Variants in RARRES1 observed in about 807,000 individuals in gnomAD.
The protein encoded by RARRES1 is retinoic acid receptor responder protein 1.
A neutral mutation model predicts 30.6 loss-of-function variants in RARRES1; 34 were observed. The ratio of observed to expected loss-of-function variants is 1.11; its 90% CI spans 0.84 to 1.48. RARRES1 has a LOEUF of 1.48. Ranked by LOEUF, RARRES1 falls within the 40% of genes most tolerant of loss-of-function variation. The pLI is 0.00. For missense variants in RARRES1, 373 were observed against 386.5 expected, an observed-to-expected ratio of 0.97 and a Z score of 0.29; for synonymous variants, 153 against 155.5, an observed-to-expected ratio of 0.98 and a Z score of 0.12.
At chr3:158,709,912 A>AC in intron 3 of RARRES1, among the ~76,000 whole-genome samples, 1 of 152,332 alleles carries the variant, frequency 6.6e-6, no homozygotes, top group South Asian at 2.1e-4. Context: ...TGGAGACAGC[A>AC]CCACTGCCCA....
intron 1 of RARRES1, among the ~76,000 whole-genome samples, chr3:158,721,092 A>C (rs1041998328): frequency 6.6e-6 from 1 of 152,230 alleles, no homozygotes; most frequent in Non-Finnish European, 1.5e-5. Flanking sequence ...AGGTGGGGAC[A>C]TCTCCAGGAA....
At chr3:158,713,033 C>A (rs571201898) in intron 2 of RARRES1, among the ~76,000 whole-genome samples, 30 of 152,316 alleles carry the variant, frequency 2.0e-4, no homozygotes, top group Admixed American at 1.6e-3. Flanking sequence ...GGTGAGCATT[C>A]TTCCAGAAGC....
chr3:158,710,984 A>C (rs1382731497), intron 2 of RARRES1, 51 bp from the exon 3 acceptor site: 1 of 1,478,732 alleles, frequency 6.8e-7, no homozygotes. Flanking sequence ...CCCAGTGCAC[A>C]CAAGCACACA....
intron 1 of RARRES1, among the ~76,000 whole-genome samples, chr3:158,727,977 T>G (rs1370104048): frequency 1.8e-4 from 28 of 152,138 alleles, no homozygotes; most frequent in Admixed American, 1.8e-3. Context: ...AAATGAAAGA[T>G]AACTTGACGC....
chr3:158,700,758 A>T (rs1279717699), intron 4 of RARRES1, among the ~76,000 whole-genome samples: 1 of 152,206 alleles, frequency 6.6e-6, no homozygotes, highest in Non-Finnish European at 1.5e-5. Flanking sequence ...CACAAGTGCC[A>T]AATCTTGTAG....
intron 4 of RARRES1, among the ~76,000 whole-genome samples, chr3:158,702,968 T>A (rs1726786517): frequency 6.6e-6 from 1 of 152,268 alleles, no homozygotes; most frequent in Non-Finnish European, 1.5e-5. Context: ...TTAAAAATGA[T>A]GACTTAATGC....
intron 3 of RARRES1, among the ~76,000 whole-genome samples, chr3:158,709,485 A>G (rs1727040003): frequency 6.6e-6 from 1 of 152,246 alleles, no homozygotes; most frequent in Non-Finnish European, 1.5e-5. Context: ...ATTGCTTGGC[A>G]CAGGATTTGA....
chr3:158,704,352 G>T (rs758225799), intron 4 of RARRES1, among the ~76,000 whole-genome samples: 1 of 149,656 alleles, frequency 6.7e-6, no homozygotes, highest in Non-Finnish European at 1.5e-5. Flanking sequence ...CCAACTCTGC[G>T]TCCCGAGTAC....
At chr3:158,720,273 TGAG>T (rs1727472792) in intron 1 of RARRES1, among the ~76,000 whole-genome samples, 1 of 144,450 alleles carries the variant, frequency 6.9e-6, no homozygotes, top group Non-Finnish European at 1.5e-5. Context: ...TGTATGTGTG[TGAG>T]AGAGAGAGAG....
chr3:158,726,919 AC>A (rs1727710612), intron 1 of RARRES1, among the ~76,000 whole-genome samples: 1 of 152,102 alleles, frequency 6.6e-6, no homozygotes, highest in South Asian at 2.1e-4. Flanking sequence ...ATGGTTTGGC[AC>A]CCTCCCCTTG....
chr3:158,717,405 C>G (rs78847582), intron 1 of RARRES1, among the ~76,000 whole-genome samples: 138 of 152,248 alleles, frequency 9.1e-4, no homozygotes, highest in African/African-American at 3.2e-3. Flanking sequence ...GAGAATTGGT[C>G]TAGTCTAGGG....
intron 2 of RARRES1, among the ~76,000 whole-genome samples, chr3:158,713,589 A>G (rs1016933063): frequency 2.0e-5 from 3 of 152,162 alleles, no homozygotes; most frequent in Admixed American, 6.5e-5. Flanking sequence ...TTTAAATGCA[A>G]CCCTGCGTTA....
At chr3:158,708,556 A>G (rs1277777480) in intron 3 of RARRES1, among the ~76,000 whole-genome samples, 1 of 152,250 alleles carries the variant, frequency 6.6e-6, no homozygotes, top group Non-Finnish European at 1.5e-5. Context: ...TTAAGGGGAA[A>G]AAACAATGTG....
rs983295446 is a variant in RARRES1, at chr3:158,704,817, C to T, written c.646G>A (p.Ala216Thr). The T allele has an allele frequency of 5.0e-6, 8 of 1,613,758 alleles. No individual in the cohort carries two copies. The highest frequency in any genetic ancestry group is 6.8e-6 in the Non-Finnish European group (8 of 1,179,948). Residue 216 changes from alanine to threonine, a missense_variant, in exon 4 of 6, where the codon GCA (alanine) becomes ACA (threonine). Transcript: ENST00000237696. ...MTTQVSHYYL[A>T]QLTSVRQWKT... ...CACTGCCTCACACTAGTGAGCTGTG[C>T]CAAGTAGTAGTGTGACACCTGTGTT... is the stretch of plus-strand genomic sequence containing the variant.
chr3:158,720,885 A>G (rs1344422290), intron 1 of RARRES1, among the ~76,000 whole-genome samples: 1 of 152,198 alleles, frequency 6.6e-6, no homozygotes, highest in Non-Finnish European at 1.5e-5. Flanking sequence ...ACTTGATTAC[A>G]TCTTCAAAGA....
intron 1 of RARRES1, among the ~76,000 whole-genome samples, chr3:158,722,551 A>C (rs1470407533): frequency 1.3e-5 from 2 of 152,186 alleles, no homozygotes; most frequent in Non-Finnish European, 2.9e-5. Flanking sequence ...AGGGACAGAG[A>C]ATGGGTATTT....
intron 3 of RARRES1, among the ~76,000 whole-genome samples, chr3:158,709,575 C>A (rs75266602): frequency 0.011 from 1,683 of 152,222 alleles, 17 homozygotes; most frequent in Non-Finnish European, 0.018. Context: ...TATTCCACTT[C>A]GAGGTTTTTA....
chr3:158,722,878 T>C (rs1398943000), intron 1 of RARRES1, among the ~76,000 whole-genome samples: 2 of 99,122 alleles, frequency 2.0e-5, no homozygotes, highest in East Asian at 5.0e-4. Context: ...TGAGACTCCA[T>C]CTCAAAAAAA....
At chr3:158,708,695 C>T (rs1462380445) in intron 3 of RARRES1, among the ~76,000 whole-genome samples, 3 of 151,426 alleles carry the variant, frequency 2.0e-5, no homozygotes, top group Non-Finnish European at 2.9e-5. Context: ...GACGGAGTTT[C>T]GCTCTGTTGC....
Sources: allele counts gnomAD v4.1 joint callset (sites outside exome capture counted in the v4.1 genomes callset), GRCh38; gene constraint gnomAD v4.1.1; transcripts MANE v1.5; gene names NCBI Gene and HGNC (gene_info 2026-07-23, HGNC 2026-07-21).